Variants in ANKS1B observed in about 807,000 individuals in gnomAD.
ANKS1B encodes ankyrin repeat and sterile alpha motif domain containing 1B.
A neutral mutation model predicts 148.3 loss-of-function variants in ANKS1B; 36 were observed. The ratio of observed to expected loss-of-function variants is 0.24; its 90% CI spans 0.19 to 0.32. The LOEUF (loss-of-function observed/expected upper bound fraction) is 0.32, where lower values mean the gene tolerates loss of function less well. Ranked by LOEUF, ANKS1B falls within the 10% of genes least tolerant of loss-of-function variation. ANKS1B has a pLI of 1.00. For synonymous variants in ANKS1B, 542 were observed against 560.8 expected (o/e 0.97, Z 0.47); for missense variants, 1,157 against 1,542.6 (o/e 0.75, Z 4.19).
intron 17 of ANKS1B, among the ~76,000 whole-genome samples, chr12:98,888,620 C>T (rs891921142): frequency 3.5e-4 from 53 of 152,358 alleles, no homozygotes; most frequent in Admixed American, 3.4e-3. Flanking sequence ...CCACACACTG[C>T]ACTTGTTCCC....
At chr12:99,190,569 C>A (rs936394980) in intron 14 of ANKS1B, among the ~76,000 whole-genome samples, 1 of 152,070 alleles carries the variant, frequency 6.6e-6, no homozygotes, top group East Asian at 1.9e-4. Flanking sequence ...CTCTGACAAG[C>A]CTGACAAAAA....
At chr12:99,478,346 T>C (rs912067962) in intron 10 of ANKS1B, among the ~76,000 whole-genome samples, 3 of 152,150 alleles carry the variant, frequency 2.0e-5, no homozygotes, top group African/African-American at 4.8e-5. Flanking sequence ...ATCATATTTC[T>C]CTGTATTTTG....
rs1353116721 is a variant in ANKS1B at position 99,053,150 on chromosome 12, A to G, written c.2778+7T>C. ...ATAGTTAAGGTGTCACTAAGAGACC[A>G]ACTTACATTAATAAGTTCAACCTCC... On this transcript the variant is annotated splice_region_variant and intron_variant, in intron 17 of 26. Coordinates refer to ENST00000683438, the MANE Select transcript of ANKS1B (RefSeq NM_001352186.2). 6 of 1,600,754 alleles carry G rather than the reference A, an allele frequency of 3.7e-6. No individual in the cohort carries two copies. The Middle Eastern group carries it at 6.6e-4, about 176-fold the overall frequency.
chr12:99,485,888 T>C (rs1387151641), intron 10 of ANKS1B, among the ~76,000 whole-genome samples: 3 of 152,208 alleles, frequency 2.0e-5, no homozygotes, highest in Admixed American at 2.0e-4. Context: ...GATTGCTTTT[T>C]CTGGATGATA....
chr12:99,970,250 C>G lies in ANKS1B; in HGVS notation c.134+13854G>C, dbSNP rs180907339. Among the ~76,000 whole-genome samples, 289 of 152,134 alleles carry G rather than the reference C, an allele frequency of 1.9e-3. 2 individuals carry two copies. Among genetic ancestry groups the G allele is most frequent in the Admixed American group, 7.2e-3 (110 of 15,278 alleles). ...GTTTAACAAACAACCATAGGTGCTT[C>G]TGATGGAGGACATCTATGAAAAGTA... is the stretch of plus-strand genomic sequence containing the variant. On this transcript the variant is annotated intron_variant, in intron 1 of 26. Transcript: ENST00000683438.
At chr12:99,714,408 C>G (rs912910378) in intron 8 of ANKS1B, among the ~76,000 whole-genome samples, 1 of 152,182 alleles carries the variant, frequency 6.6e-6, no homozygotes, top group African/African-American at 2.4e-5. Context: ...GCACATATTG[C>G]CTTTTTACAG....
At chr12:99,592,168 G>A (rs1478218279) in intron 9 of ANKS1B, among the ~76,000 whole-genome samples, 1 of 151,856 alleles carries the variant, frequency 6.6e-6, no homozygotes, top group East Asian at 1.9e-4. Flanking sequence ...CTCTATCTGG[G>A]TAATTTTAGT....
intron 1 of ANKS1B, among the ~76,000 whole-genome samples, chr12:99,951,414 T>C (rs887260486): frequency 5.9e-5 from 9 of 152,158 alleles, no homozygotes; most frequent in African/African-American, 2.2e-4. Context: ...TAATAAACCA[T>C]CCTAAAACTC....
At chr12:98,772,917 T>C in intron 25 of ANKS1B, 125 bp downstream of exon 25, 1 of 1,044,344 alleles carries the variant, frequency 9.6e-7, no homozygotes, top group Non-Finnish European at 1.4e-6. Flanking sequence ...ACAAATACAC[T>C]TGGTATGTAT....
intron 22 of ANKS1B, 38 bp from the exon 23 acceptor site, chr12:98,782,175 T>A (rs777692400): frequency 1.9e-6 from 3 of 1,564,688 alleles, no homozygotes; most frequent in Non-Finnish European, 1.7e-6. Context: ...GGGAACATAA[T>A]AGGAGAGAAA....
At chr12:99,949,784 T>C (rs1434410973) in intron 1 of ANKS1B, among the ~76,000 whole-genome samples, 1 of 152,168 alleles carries the variant, frequency 6.6e-6, no homozygotes, top group Non-Finnish European at 1.5e-5. Flanking sequence ...GTAAATAAAA[T>C]TCTACTGGAA....
intron 10 of ANKS1B, among the ~76,000 whole-genome samples, chr12:99,493,047 G>A (rs1397886361): frequency 6.6e-6 from 1 of 152,116 alleles, no homozygotes. Flanking sequence ...GATCAATCAA[G>A]CGAGAGACAG....
At chr12:99,713,139 A>C (rs1259399516) in intron 8 of ANKS1B, among the ~76,000 whole-genome samples, 3 of 152,208 alleles carry the variant, frequency 2.0e-5, no homozygotes, top group African/African-American at 7.2e-5. Flanking sequence ...AAATATATGC[A>C]GGATAATCCC....
chr12:99,592,943 C>T (rs1010062014), intron 9 of ANKS1B, among the ~76,000 whole-genome samples: 2 of 152,076 alleles, frequency 1.3e-5, no homozygotes, highest in Non-Finnish European at 2.9e-5. Flanking sequence ...ATTTTCTGAT[C>T]AGTAATTGGT....
intron 8 of ANKS1B, among the ~76,000 whole-genome samples, chr12:99,669,179 AT>A (rs921614811): frequency 1.3e-5 from 2 of 151,726 alleles, no homozygotes; most frequent in African/African-American, 4.8e-5. Context: ...ATGTGTAGTA[AT>A]TTTTTTAAGA....
chr12:99,059,788 C>CATATATATATACATATATATATAT (rs2041724178), intron 16 of ANKS1B, among the ~76,000 whole-genome samples: 1 of 90,322 alleles, frequency 1.1e-5, no homozygotes, highest in Non-Finnish European at 2.1e-5. Context: ...AACTAAAATT[C>CATATATATATACATATATATATAT]ATATATATAT....
At chr12:99,892,184 T>C (rs962939153) in intron 1 of ANKS1B, among the ~76,000 whole-genome samples, 2 of 152,194 alleles carry the variant, frequency 1.3e-5, no homozygotes, top group East Asian at 3.9e-4. Flanking sequence ...TTTGTATTTT[T>C]AGTAGAGACG....
chr12:99,262,996 A>T (rs990227924), intron 12 of ANKS1B, among the ~76,000 whole-genome samples: 1 of 152,030 alleles, frequency 6.6e-6, no homozygotes, highest in African/African-American at 2.4e-5. Context: ...AATATTACTG[A>T]GTGCTTATAG....
intron 17 of ANKS1B, chr12:99,048,854 T>G (rs956128562): frequency 6.6e-6 from 1 of 151,958 alleles, no homozygotes; most frequent in Non-Finnish European, 1.5e-5. Context: ...ATGCAGGGGG[T>G]GGAGTTGGTA....
Sources: gnomAD v4.1 joint callset for allele counts (sites outside exome capture counted in the v4.1 genomes callset) on GRCh38, gnomAD v4.1.1 for gene constraint, MANE v1.5 for transcripts, NCBI Gene and HGNC (gene_info 2026-07-23, HGNC 2026-07-21) for gene names.